Variants in DNAH3 observed in about 807,000 individuals in gnomAD.
DNAH3 encodes the protein axonemal beta dynein heavy chain 3.
Under a neutral mutation model 432.5 loss-of-function variants are expected in DNAH3, and 332 were observed. The ratio of observed to expected loss-of-function variants is 0.77; its 90% confidence interval spans 0.70 to 0.84. The LOEUF is 0.84. Ranked by LOEUF, DNAH3 falls within the 40% of genes least tolerant of loss-of-function variation. The pLI, the probability that DNAH3 is intolerant of heterozygous loss-of-function variation, is 0.00. For missense variants in DNAH3, 4,861 were observed against 5,114.0 expected (o/e 0.95, Z 1.51); for synonymous variants, 1,956 against 1,900.2 (o/e 1.03, Z -0.76).
chr16:20,966,508 A>G (rs1460340554), intron 52 of DNAH3, among the ~76,000 whole-genome samples: 1 of 152,134 alleles, frequency 6.6e-6, no homozygotes, highest in Non-Finnish European at 1.5e-5. Context: ...TGCTTGCTAG[A>G]AAGTCCATTC....
intron 49 of DNAH3, among the ~76,000 whole-genome samples, chr16:20,982,018 A>C (rs2085929500): frequency 6.8e-6 from 1 of 147,870 alleles, no homozygotes; most frequent in Admixed American, 6.8e-5. Context: ...ATATATAATT[A>C]AGTATATATA....
In DNAH3 at chr16:21,134,944, T is replaced by C. The variant is rs184439855; in HGVS notation, c.887-490A>G. On this transcript the variant is annotated intron_variant, in intron 6 of 61. Coordinates refer to ENST00000261383, the Ensembl canonical transcript of DNAH3. ...CTCAGGTGATCCACCCGCCTCGGCCTCCCAAAGTGCTGCGATTATAGGTGT... is the reference window on the plus strand; with the variant it reads ...CTCAGGTGATCCACCCGCCTCGGCCCCCCAAAGTGCTGCGATTATAGGTGT... Among the ~76,000 whole-genome samples the C allele has an allele frequency of 1.9e-3, 282 of 152,278 alleles. 1 individual carries two copies. The highest frequency in any genetic ancestry group is 6.4e-3 in the African/African-American group (267 of 41,552).
intron 55 of DNAH3, among the ~76,000 whole-genome samples, chr16:20,954,288 A>G (rs1419840121): frequency 6.8e-6 from 1 of 147,390 alleles, no homozygotes; most frequent in African/African-American, 2.5e-5. Context: ...ATCTACCTAT[A>G]GACTTTTTTT....
chr16:20,944,770 G>T, intron 57 of DNAH3, 107 bp from the exon 58 acceptor site: 2 of 949,642 alleles, frequency 2.1e-6, no homozygotes, highest in South Asian at 1.5e-5. Flanking sequence ...TGTATCAGTA[G>T]CACAGGACAC....
intron 21 of DNAH3, among the ~76,000 whole-genome samples, chr16:21,073,537 C>T (rs1357343284): frequency 2.0e-5 from 3 of 150,758 alleles, no homozygotes; most frequent in Non-Finnish European, 3.0e-5. Flanking sequence ...GGTCTCAGAA[C>T]ATGATACCCC....
chr16:20,937,216 G>A (rs1421227342), intron 59 of DNAH3, among the ~76,000 whole-genome samples: 1 of 151,952 alleles, frequency 6.6e-6, no homozygotes, highest in Non-Finnish European at 1.5e-5. Flanking sequence ...AGTAAGTAGT[G>A]AGATCAGAGC....
chr16:21,098,669 C>A lies in DNAH3; in HGVS notation c.2467G>T (p.Glu823Ter). The A allele has an allele frequency of 1.9e-6, 3 of 1,613,842 alleles. No homozygotes were observed. Among genetic ancestry groups the A allele is most frequent in the Non-Finnish European group, 2.5e-6 (3 of 1,179,936 alleles). Reference sequence around the variant, plus strand: ...TTCTTTGAAAGCTCATTAAGCTTTTCAACATTGTGCTTCATTTCTTCTGTA... The same window carrying A: ...TTCTTTGAAAGCTCATTAAGCTTTTAAACATTGTGCTTCATTTCTTCTGTA... The change falls in exon 17 of 62, where the codon GAA (glutamate) becomes TAA (stop). Residue 823 changes from glutamate to a stop codon, truncating the protein, a stop_gained. Transcript: ENST00000261383. LOFTEE classifies it high-confidence loss of function.
At chr16:20,933,149 T>C (rs1312069702) in exon 62 of DNAH3, 1 of 1,606,000 alleles carries the variant, frequency 6.2e-7, no homozygotes, top group Non-Finnish European at 8.5e-7. Flanking sequence ...TTGAGACAAA[T>C]GCCATCAGTT....
At chr16:21,132,833 G>T (rs903519963) in intron 7 of DNAH3, among the ~76,000 whole-genome samples, 1 of 152,058 alleles carries the variant, frequency 6.6e-6, no homozygotes, top group Non-Finnish European at 1.5e-5. Context: ...ACAAACTTGT[G>T]AATATATTAA....
intron 38 of DNAH3, among the ~76,000 whole-genome samples, chr16:21,026,206 G>A (rs566112585): frequency 1.3e-5 from 2 of 152,204 alleles, no homozygotes; most frequent in East Asian, 3.9e-4. Context: ...TCAACTTTAG[G>A]AGATAATATC....
chr16:20,982,853 C>G (rs544149586), exon 49 of DNAH3: 6 of 1,613,970 alleles, frequency 3.7e-6, no homozygotes, highest in Non-Finnish European at 5.1e-6. Context: ...CATCCGCAGG[C>G]GGTTCCTGAA....
chr16:20,975,346 T>C, exon 51 of DNAH3: 2 of 1,614,228 alleles, frequency 1.2e-6, no homozygotes, highest in South Asian at 2.2e-5. Context: ...ACCATCATCT[T>C]GGCAGTTTCC....
At chr16:21,069,344 G>T (rs2090693934) in intron 23 of DNAH3, 71 bp downstream of exon 23, 3 of 1,323,220 alleles carry the variant, frequency 2.3e-6, no homozygotes, top group Non-Finnish European at 3.2e-6. Flanking sequence ...TTCAAGGAAG[G>T]TGACTAGAAT....
chr16:21,115,494 G>A (rs2092170040), intron 12 of DNAH3, among the ~76,000 whole-genome samples: 1 of 151,734 alleles, frequency 6.6e-6, no homozygotes, highest in Admixed American at 6.6e-5. Flanking sequence ...ATCACCTAAG[G>A]TCAGGAGTTT....
At position 21,007,212 on chromosome 16, in the gene DNAH3, C is replaced by CT. The variant is rs1269851987; in HGVS notation, c.6023-4006dup. 7.6e-3 allele frequency among the ~76,000 whole-genome samples: 1,072 copies of CT among 140,610 alleles called. 11 individuals carry two copies. The highest frequency in any genetic ancestry group is 0.012 in the African/African-American group (472 of 38,440). The allele number at this position is 140,610 out of a possible 152,430, so 92.2% of individuals were successfully genotyped here. A position where few individuals can be genotyped will look rare whatever the true frequency, so the allele number is the denominator to read the frequency against. On this transcript the variant is annotated intron_variant, in intron 41 of 61. Coordinates refer to ENST00000261383, the Ensembl canonical transcript of DNAH3. ...TGGGCTTATTGGCCATTTGTATATC[C>CT]TTTTTTTTTTTTTTTGAGGCAGGGT...
chr16:21,059,417 T>A (rs1567717146), intron 26 of DNAH3, among the ~76,000 whole-genome samples: 1 of 152,166 alleles, frequency 6.6e-6, no homozygotes, highest in Non-Finnish European at 1.5e-5. Context: ...TCCCCAGGAC[T>A]TTAGTGTGAG....
At chr16:21,034,431 C>A (rs544139824) in intron 35 of DNAH3, among the ~76,000 whole-genome samples, 2 of 152,252 alleles carry the variant, frequency 1.3e-5, no homozygotes, top group South Asian at 4.1e-4. Context: ...AAATACTTGC[C>A]CAAGTTCATC....
rs536289867 is a variant in DNAH3 at position 21,005,185 on chromosome 16, C to T, written c.6023-1978G>A. 7.0e-3 allele frequency among the ~76,000 whole-genome samples: 1,040 copies of T among 149,034 alleles called. 14 individuals are homozygous for T. The highest frequency in any genetic ancestry group is 0.025 in the African/African-American group (1,002 of 39,740). ...TCTTTCTTTCTTTTTCTTTTTCTTT[C>T]TCTTTCTCTCTCCCTCCTTCCCTCT... On this transcript the variant is annotated intron_variant, in intron 41 of 61. Coordinates refer to ENST00000261383, the Ensembl canonical transcript of DNAH3.
chr16:20,986,993 T>C (rs968110697), intron 47 of DNAH3, among the ~76,000 whole-genome samples: 1 of 152,246 alleles, frequency 6.6e-6, no homozygotes, highest in African/African-American at 2.4e-5. Flanking sequence ...AGTTCATTTC[T>C]CAACTCACCA....
Sources: gnomAD v4.1 joint callset for allele counts (sites outside exome capture counted in the v4.1 genomes callset) on GRCh38, gnomAD v4.1.1 for gene constraint, MANE v1.5 for transcripts, NCBI Gene and HGNC (gene_info 2026-07-23, HGNC 2026-07-21) for gene names.